Variants in HTR2C observed in about 807,000 individuals in gnomAD.
The protein encoded by HTR2C is 5-hydroxytryptamine receptor 2C, also known as 5-hydroxytryptamine (serotonin) receptor 2C, G protein-coupled.
In HTR2C, 5 loss-of-function variants were observed where a neutral mutation model predicts 21.0. The observed-to-expected ratio is 0.24, with a 90% CI of 0.12 to 0.50. The LOEUF (loss-of-function observed/expected upper bound fraction) is 0.50. HTR2C is among the 20% of genes least tolerant of loss of function. The pLI is 0.98. For missense variants in HTR2C, 271 were observed against 371.2 expected (o/e 0.73, Z 2.22); for synonymous variants, 150 against 145.3 (o/e 1.03, Z -0.23).
intron 2 of HTR2C, among the ~76,000 whole-genome samples, chrX:114,638,516 T>TTTATTTATTTATTTATTTATTTAA: frequency 9.2e-6 from 1 of 109,188 alleles, no homozygotes; most frequent in Non-Finnish European, 1.9e-5. Flanking sequence ...TATTTATTTA[T>TTTATTTATTTATTTATTTATTTAA]TTATTATTTT....
rs782406547 is a variant in HTR2C at position 114,637,560 on chromosome X, A to G, written c.-80+23679A>G. 1.7e-4 allele frequency among the ~76,000 whole-genome samples: 19 copies of G among 112,018 alleles called. No homozygotes were observed. The East Asian group carries it at 5.1e-3, about 30-fold the overall frequency. ...AATGAGCTCAATTATTTCAGGGTCT[A>G]GAAGCAAACACAACGTAAACCTCTA... On this transcript the variant is annotated intron_variant, in intron 2 of 5. Coordinates refer to ENST00000276198, the MANE Select transcript of HTR2C (RefSeq NM_000868.4).
At position 114,868,844 on chromosome X, in the gene HTR2C, A is replaced by G. The variant is rs7050424; in HGVS notation, c.550+20641A>G. On this transcript the variant is annotated intron_variant, in intron 5 of 5. Transcript: ENST00000276198. ...TTCAGCAGATGTTATCACTTTTTGT[A>G]TTTTTTTTTTATTATACTTTAAATT... Among the ~76,000 whole-genome samples the G allele has an allele frequency of 5.8e-3, 621 of 107,244 alleles. 8 individuals carry two copies. Among genetic ancestry groups the G allele is most frequent in the African/African-American group, 0.02 (597 of 29,645 alleles). The allele number at this position is 107,244 out of a possible 115,157, so 93.1% of individuals were successfully genotyped here. A position where few individuals can be genotyped will look rare whatever the true frequency, so the allele number is the denominator to read the frequency against.
intron 5 of HTR2C, among the ~76,000 whole-genome samples, chrX:114,887,038 G>A (rs2071225069): frequency 8.9e-6 from 1 of 112,055 alleles, no homozygotes. Context: ...GAATATGCAT[G>A]CCATAGTAAA....
chrX:114,825,024 C>T (rs1375166360), intron 4 of HTR2C, among the ~76,000 whole-genome samples: 5 of 111,635 alleles, frequency 4.5e-5, no homozygotes, highest in Admixed American at 2.9e-4. Context: ...AATTCTTAGT[C>T]GATCTGTTGA....
intron 4 of HTR2C, among the ~76,000 whole-genome samples, chrX:114,814,920 GTATATATCA>G (rs2070570009): frequency 1.0e-5 from 1 of 98,739 alleles, no homozygotes; most frequent in African/African-American, 3.7e-5. Flanking sequence ...ATATCATATA[GTATATATCA>G]TATATCATAT....
At chrX:114,701,002 G>T (rs1460219319) in intron 2 of HTR2C, among the ~76,000 whole-genome samples, 5 of 112,364 alleles carry the variant, frequency 4.4e-5, no homozygotes, top group Admixed American at 9.4e-5. Context: ...CAGCGAGGCT[G>T]GGGGAGGGGC....
chrX:114,660,411 C>T (rs782133862), intron 2 of HTR2C, among the ~76,000 whole-genome samples: 6 of 112,219 alleles, frequency 5.3e-5, no homozygotes, highest in Non-Finnish European at 1.1e-4. Context: ...CCACCATGGA[C>T]TGTTTATTGA....
intron 4 of HTR2C, among the ~76,000 whole-genome samples, chrX:114,785,659 A>G (rs1205534451): frequency 6.3e-5 from 7 of 111,973 alleles, no homozygotes; most frequent in Non-Finnish European, 1.3e-4. Flanking sequence ...ACCTAAATAT[A>G]AAGTACAAAA....
At chrX:114,589,465 A>G (rs918147378) in intron 1 of HTR2C, among the ~76,000 whole-genome samples, 2 of 111,846 alleles carry the variant, frequency 1.8e-5, no homozygotes, top group Non-Finnish European at 3.8e-5. Flanking sequence ...TACATGTAAC[A>G]CCACAACAAA....
intron 4 of HTR2C, among the ~76,000 whole-genome samples, chrX:114,820,506 C>T (rs1013512047): frequency 9.1e-6 from 1 of 110,212 alleles, no homozygotes; most frequent in Non-Finnish European, 1.9e-5. Flanking sequence ...TTTATATATA[C>T]AGTGTTTAGC....
intron 5 of HTR2C, among the ~76,000 whole-genome samples, chrX:114,856,038 G>A (rs1556470863): frequency 1.8e-5 from 1 of 54,682 alleles, no homozygotes; most frequent in Non-Finnish European, 3.9e-5. Context: ...AATTGTCCCT[G>A]TTTGCAGACG....
In HTR2C at chrX:114,643,539, G is replaced by C. The variant is rs782626214; in HGVS notation, c.-80+29658G>C. Among the ~76,000 whole-genome samples, 80 of 110,893 alleles carry C rather than the reference G, an allele frequency of 7.2e-4. No homozygotes were observed. In the Middle Eastern group the frequency reaches 0.014, roughly 20 times the overall value. The stretch of plus-strand genomic sequence containing the variant: ...CCTGGGCAGTATGGGGATAGTAACA[G>C]GGTGGGAAAGAGTCTTTGAGCTTTG... On this transcript the variant is annotated intron_variant, in intron 2 of 5. Transcript: ENST00000276198.
intron 2 of HTR2C, among the ~76,000 whole-genome samples, chrX:114,704,281 C>G (rs1932684579): frequency 3.6e-5 from 4 of 111,445 alleles, no homozygotes; most frequent in African/African-American, 1.3e-4. Context: ...GACCGATATC[C>G]TTGATGAACA....
At chrX:114,759,640 C>T (rs1047584325) in intron 4 of HTR2C, among the ~76,000 whole-genome samples, 1 of 111,298 alleles carries the variant, frequency 9.0e-6, no homozygotes, top group Non-Finnish European at 1.9e-5. Flanking sequence ...CAAATATTTA[C>T]ATCATCTTTA....
intron 2 of HTR2C, among the ~76,000 whole-genome samples, chrX:114,662,430 T>C (rs1397161460): frequency 9.0e-6 from 1 of 111,527 alleles, no homozygotes; most frequent in East Asian, 2.8e-4. Flanking sequence ...TTTCTCTGTT[T>C]ACCTACCAAC....
chrX:114,767,554 A>T (rs2069958680), intron 4 of HTR2C, among the ~76,000 whole-genome samples: 1 of 109,685 alleles, frequency 9.1e-6, no homozygotes, highest in Non-Finnish European at 1.9e-5. Context: ...ATAGGGAGGA[A>T]AAAGTTTCTG....
At chrX:114,789,857 C>T in intron 4 of HTR2C, among the ~76,000 whole-genome samples, 1 of 111,476 alleles carries the variant, frequency 9.0e-6, no homozygotes, top group Admixed American at 9.6e-5. Flanking sequence ...GAGGACAAAG[C>T]ACCTGTAACA....
chrX:114,762,002 A>AGTG (rs2069881934), intron 4 of HTR2C, among the ~76,000 whole-genome samples: 626 of 6,647 alleles, frequency 0.094, 232 homozygotes, highest in East Asian at 0.78. Flanking sequence ...ATATATACAC[A>AGTG]TATATATAGT....
intron 2 of HTR2C, among the ~76,000 whole-genome samples, chrX:114,680,241 C>T (rs1931701379): frequency 8.9e-6 from 1 of 112,250 alleles, no homozygotes. Context: ...AGGTTAAATT[C>T]TGTGGCAATT....
Sources: allele counts gnomAD v4.1 joint callset (sites outside exome capture counted in the v4.1 genomes callset), GRCh38; gene constraint gnomAD v4.1.1; transcripts MANE v1.5; gene names NCBI Gene and HGNC (gene_info 2026-07-23, HGNC 2026-07-21).